Variants in ZMYM4 observed in about 807,000 individuals in gnomAD.
ZMYM4 encodes the protein zinc finger MYM-type protein 4.
In ZMYM4, 31 loss-of-function variants were observed where a neutral mutation model predicts 183.2. That is an observed-to-expected ratio of 0.17 (90% confidence interval 0.13 to 0.23). ZMYM4 has a LOEUF of 0.23. Among genes scored for constraint, ZMYM4 ranks in the 10% least tolerant of loss-of-function variants. The pLI, the probability that ZMYM4 is intolerant of heterozygous loss-of-function variation, is 1.00. For synonymous variants in ZMYM4, 592 were observed against 631.2 expected (o/e 0.94, Z 0.93); for missense variants, 1,273 against 1,840.3 (o/e 0.69, Z 5.64).
At chr1:35,335,633 A>G (rs1353671224) in intron 2 of ZMYM4, among the ~76,000 whole-genome samples, 1 of 152,192 alleles carries the variant, frequency 6.6e-6, no homozygotes, top group Non-Finnish European at 1.5e-5. Flanking sequence ...ATATAAATAT[A>G]TAACTATTTT....
chr1:35,323,824 G>C (rs1290628761), intron 1 of ZMYM4, among the ~76,000 whole-genome samples: 1 of 151,676 alleles, frequency 6.6e-6, no homozygotes, highest in African/African-American at 2.4e-5. Flanking sequence ...AAAGTGCTGG[G>C]ATTACAGGCG....
At chr1:35,403,435 A>G (rs968014980) in intron 23 of ZMYM4, among the ~76,000 whole-genome samples, 4 of 151,968 alleles carry the variant, frequency 2.6e-5, no homozygotes, top group African/African-American at 4.8e-5. Flanking sequence ...ACAGGTGCCC[A>G]CCACCATGCC....
intron 2 of ZMYM4, 75 bp from the exon 3 acceptor site, chr1:35,358,850 A>T (rs755577431): frequency 9.9e-5 from 124 of 1,253,820 alleles, no homozygotes; most frequent in Non-Finnish European, 1.3e-4. Context: ...TTATTTGGTT[A>T]AATACCAGAC....
chr1:35,398,366 TTTG>T (rs773582102), intron 20 of ZMYM4, 44 bp from the exon 21 acceptor site: 2 of 1,531,270 alleles, frequency 1.3e-6, no homozygotes, highest in Admixed American at 1.8e-5. Flanking sequence ...TGAGATATAA[TTTG>T]TTGTCTAAAC....
chr1:35,383,467 T>G (rs183403206), intron 9 of ZMYM4, among the ~76,000 whole-genome samples: 1 of 152,322 alleles, frequency 6.6e-6, no homozygotes, highest in Admixed American at 6.5e-5. Flanking sequence ...TTTTGGAATT[T>G]AAGCGTGTTT....
chr1:35,344,220 A>AT (rs1239792320), intron 2 of ZMYM4, among the ~76,000 whole-genome samples: 1 of 151,646 alleles, frequency 6.6e-6, no homozygotes, highest in Non-Finnish European at 1.5e-5. Context: ...TGCCTGACTG[A>AT]TTTTTATATT....
chr1:35,317,639 A>T (rs949337846), intron 1 of ZMYM4, among the ~76,000 whole-genome samples: 1 of 152,168 alleles, frequency 6.6e-6, no homozygotes, highest in Non-Finnish European at 1.5e-5. Flanking sequence ...ATGGTCATAG[A>T]TTGTTGATAA....
At chr1:35,414,342 G>A (rs1257949322) in intron 27 of ZMYM4, among the ~76,000 whole-genome samples, 1 of 152,256 alleles carries the variant, frequency 6.6e-6, no homozygotes, top group East Asian at 1.9e-4. Context: ...AACCATTTTT[G>A]ATCTGGTAGC....
At chr1:35,372,599 T>C (rs1236469311) in intron 7 of ZMYM4, among the ~76,000 whole-genome samples, 1 of 152,204 alleles carries the variant, frequency 6.6e-6, no homozygotes, top group Admixed American at 6.5e-5. Context: ...TGTATGTGTA[T>C]ACACACACAG....
At chr1:35,282,961 G>C (rs1194529904) in intron 1 of ZMYM4, among the ~76,000 whole-genome samples, 1 of 58,500 alleles carries the variant, frequency 1.7e-5, no homozygotes, top group Admixed American at 1.9e-4. Context: ...ACCAATACTT[G>C]TTGTTTTCTG....
chr1:35,340,009 T>C (rs946066494), intron 2 of ZMYM4, among the ~76,000 whole-genome samples: 3 of 152,216 alleles, frequency 2.0e-5, no homozygotes, highest in Non-Finnish European at 4.4e-5. Context: ...TAATAATTCT[T>C]AATAATCTGA....
At chr1:35,413,620 G>T (rs1053564018) in intron 26 of ZMYM4, among the ~76,000 whole-genome samples, 12 of 151,592 alleles carry the variant, frequency 7.9e-5, no homozygotes, top group African/African-American at 2.9e-4. Flanking sequence ...TATGAATCAG[G>T]AAAAACATGA....
chr1:35,315,998 T>G (rs1642028841), intron 1 of ZMYM4, among the ~76,000 whole-genome samples: 1 of 152,202 alleles, frequency 6.6e-6, no homozygotes, highest in Non-Finnish European at 1.5e-5. Context: ...TATAGAGAAT[T>G]AGACCTACTT....
chr1:35,375,868 G>C (rs1487865006), intron 7 of ZMYM4, among the ~76,000 whole-genome samples: 2 of 152,106 alleles, frequency 1.3e-5, no homozygotes, highest in Non-Finnish European at 2.9e-5. Flanking sequence ...ATGAGCCCAG[G>C]ATTTCGAGAC....
intron 1 of ZMYM4, among the ~76,000 whole-genome samples, chr1:35,309,783 TAAAA>T (rs548958369): frequency 6.6e-6 from 1 of 151,114 alleles, no homozygotes; most frequent in South Asian, 2.1e-4. Flanking sequence ...GACTCTGTCT[TAAAA>T]AAAAACCCAC....
At chr1:35,325,688 G>A (rs982451484) in intron 2 of ZMYM4, among the ~76,000 whole-genome samples, 2 of 151,692 alleles carry the variant, frequency 1.3e-5, no homozygotes, top group African/African-American at 4.8e-5. Context: ...ACTATTAAGG[G>A]TTTCTACTTG....
intron 2 of ZMYM4, 91 bp downstream of exon 2, chr1:35,325,496 T>G: frequency 7.8e-7 from 1 of 1,276,224 alleles, no homozygotes; most frequent in African/African-American, 1.5e-5. Flanking sequence ...AGTGTTTAGT[T>G]AGGGCTGATT....
At position 35,396,984 on chromosome 1, in the gene ZMYM4, G is replaced by C. The variant is rs186046298; in HGVS notation, c.3030+314G>C. 47 of 750,056 alleles carry C rather than the reference G, an allele frequency of 6.3e-5. No individual in the cohort carries two copies. In the African/African-American group the frequency reaches 7.8e-4, roughly 12 times the overall value. The allele number at this position is 750,056 out of a possible 1,614,324, so 46.5% of individuals were successfully genotyped here. On this transcript the variant is annotated intron_variant, in intron 19 of 29. Transcript: ENST00000314607. The stretch of plus-strand genomic sequence containing the variant: ...CTAGCAAGGGTGAAAAGAGTACTGT[G>C]ATTTATATAATTCTCATTTTTGATT...
At chr1:35,317,056 A>G (rs1262334004) in intron 1 of ZMYM4, among the ~76,000 whole-genome samples, 7 of 150,772 alleles carry the variant, frequency 4.6e-5, no homozygotes, top group African/African-American at 1.7e-4. Flanking sequence ...TGGGAGGTGG[A>G]GGTTGCAGTG....
Sources: allele counts gnomAD v4.1 joint callset (sites outside exome capture counted in the v4.1 genomes callset), GRCh38; gene constraint gnomAD v4.1.1; transcripts MANE v1.5; gene names NCBI Gene and HGNC (gene_info 2026-07-23, HGNC 2026-07-21).